The following GOLGA4 variants were observed in gnomAD, a reference collection of about 807,000 sequenced individuals.
The protein encoded by GOLGA4 is golgin subfamily A member 4.
Under a neutral mutation model 265.9 loss-of-function variants are expected in GOLGA4, and 169 were observed. The ratio of observed to expected loss-of-function variants is 0.64; its 90% CI spans 0.56 to 0.72. The LOEUF (loss-of-function observed/expected upper bound fraction) is 0.72. Among genes scored for constraint, GOLGA4 ranks in the 30% least tolerant of loss-of-function variants. The pLI, the probability that GOLGA4 is intolerant of heterozygous loss-of-function variation, is 0.00. For missense variants in GOLGA4, 2,482 were observed against 2,483.4 expected (o/e 1.00, Z 0.01); for synonymous variants, 923 against 855.8 (o/e 1.08, Z -1.37).
At chr3:37,362,449 C>T (rs1318018818) in intron 23 of GOLGA4, among the ~76,000 whole-genome samples, 1 of 151,268 alleles carries the variant, frequency 6.6e-6, no homozygotes, top group Non-Finnish European at 1.5e-5. Flanking sequence ...ACCGTTTTAG[C>T]CAGGATGGTC....
intron 2 of GOLGA4, among the ~76,000 whole-genome samples, chr3:37,273,139 T>C (rs897324918): frequency 2.6e-5 from 4 of 152,234 alleles, no homozygotes; most frequent in African/African-American, 9.6e-5. Context: ...TTGAGTATTA[T>C]TTTATTGTAG....
chr3:37,309,032 C>T (rs1330209378), intron 10 of GOLGA4, among the ~76,000 whole-genome samples: 1 of 151,228 alleles, frequency 6.6e-6, no homozygotes, highest in African/African-American at 2.4e-5. Flanking sequence ...GGGTGGATCA[C>T]TTGAGAGCCA....
intron 2 of GOLGA4, among the ~76,000 whole-genome samples, chr3:37,262,501 T>C (rs928441831): frequency 6.7e-6 from 1 of 149,676 alleles, no homozygotes; most frequent in Non-Finnish European, 1.5e-5. Flanking sequence ...GACTCCCATC[T>C]CAAAAAAAAG....
rs78963907 is a variant in GOLGA4 at position 37,325,107 on chromosome 3, C to T, written c.3221C>T (p.Ala1074Val). 3.8e-5 allele frequency: 61 copies of T among 1,612,268 alleles called. No homozygotes were observed. In the African/African-American group the frequency reaches 7.3e-4, roughly 19 times the overall value. The change falls in exon 14 of 24, where the codon GCA (alanine) becomes GTA (valine). Residue 1074 changes from alanine to valine, a missense_variant. Coordinates refer to ENST00000361924, the MANE Select transcript of GOLGA4 (RefSeq NM_002078.5). Reference protein sequence around the residue: ...IQLQEKEQEVAELKQKILLFG... With the variant: ...IQLQEKEQEVVELKQKILLFG... ...TTACAGGAAAAAGAACAAGAGGTAG[C>T]AGAACTGAAACAAAAGATCCTCCTA...
intron 2 of GOLGA4, among the ~76,000 whole-genome samples, chr3:37,268,124 C>G (rs1378170204): frequency 6.6e-6 from 1 of 152,032 alleles, no homozygotes; most frequent in Non-Finnish European, 1.5e-5. Flanking sequence ...TTCTGTTGTT[C>G]AGGCTGGAAT....
At position 37,319,440 on chromosome 3, in the gene GOLGA4, G is replaced by GCT. The variant is rs372672659; in HGVS notation, c.1545+247_1545+248dup. 6.0e-3 allele frequency: 1,372 copies of GCT among 227,600 alleles called. 24 individuals are homozygous for GCT. The highest frequency in any genetic ancestry group is 0.029 in the African/African-American group (1,283 of 43,760). 14.1% of individuals were successfully genotyped at this position (227,600 alleles called of 1,614,324 possible). ...GAGAGAGTCTCGCTCTGTTGCCTAG[G>GCT]CTAGAGTGCAGTGGTGAGATCTTGG... On this transcript the variant is annotated intron_variant, in intron 12 of 23. Coordinates refer to ENST00000361924, the MANE Select transcript of GOLGA4 (RefSeq NM_002078.5).
intron 2 of GOLGA4, among the ~76,000 whole-genome samples, chr3:37,270,392 A>AT (rs2096795481): frequency 1.3e-5 from 2 of 150,642 alleles, no homozygotes; most frequent in South Asian, 4.2e-4. Flanking sequence ...TAATTTTTAT[A>AT]TTTTTAGTAG....
chr3:37,279,599 T>C (rs1233072323), intron 2 of GOLGA4, among the ~76,000 whole-genome samples: 1 of 152,136 alleles, frequency 6.6e-6, no homozygotes, highest in Non-Finnish European at 1.5e-5. Flanking sequence ...TGAAGATTTG[T>C]TGAAAATGTT....
chr3:37,286,122 A>G (rs557513709), intron 4 of GOLGA4, 61 bp downstream of exon 4: 59 of 573,646 alleles, frequency 1.0e-4, no homozygotes, highest in African/African-American at 8.3e-4. Flanking sequence ...GATCTTATAT[A>G]GTAAGATATT....
chr3:37,309,693 A>T (rs1018939749), intron 10 of GOLGA4, among the ~76,000 whole-genome samples: 8 of 152,342 alleles, frequency 5.3e-5, no homozygotes, highest in African/African-American at 1.7e-4. Flanking sequence ...CTTGTTTTAC[A>T]TTTTTGTTAT....
At position 37,321,762 on chromosome 3, in the gene GOLGA4, G is replaced by T. The variant is rs771569848; in HGVS notation, c.1577G>T (p.Ser526Ile). Reference sequence around the variant, plus strand: ...AGTCAATCAGAATATTTGAAGATCAGCCAAGAAAAAGAACAGCAAGAATCT... The same window carrying T: ...AGTCAATCAGAATATTTGAAGATCATCCAAGAAAAAGAACAGCAAGAATCT... ...EKSQSEYLKI[S>I]QEKEQQESLA... is the part of the protein sequence containing the mutation. Residue 526 changes from serine to isoleucine, a missense_variant, in exon 13 of 24, where the codon AGC (serine) becomes ATC (isoleucine). By Grantham distance (142) the Ser-to-Ile change is moderately radical. Coordinates refer to ENST00000361924, the MANE Select transcript of GOLGA4 (RefSeq NM_002078.5). 1.2e-6 allele frequency: 2 copies of T among 1,611,172 alleles called. No homozygotes were observed. Among genetic ancestry groups the T allele is most frequent in the South Asian group, 2.2e-5 (2 of 90,146 alleles).
chr3:37,285,916 A>G, intron 3 of GOLGA4, 98 bp from the exon 4 acceptor site: 1 of 671,360 alleles, frequency 1.5e-6, no homozygotes, highest in Non-Finnish European at 2.6e-6. Flanking sequence ...GACTCTTCTA[A>G]TTTATTTTTT....
chr3:37,332,014 G>A (rs1214434552), intron 16 of GOLGA4, among the ~76,000 whole-genome samples: 1 of 152,166 alleles, frequency 6.6e-6, no homozygotes, highest in Non-Finnish European at 1.5e-5. Flanking sequence ...CATCTGGCCC[G>A]ATCTGTTGTA....
Position 37,324,445 on chromosome 3 carries a change from T to C in GOLGA4, c.2559T>C (p.Cys853=). The part of the protein sequence containing the change: ...AEVEAQKKDV[C]TELDAHKIQV... ...TTGAAGCACAAAAGAAAGATGTTTG[T>C]ACTGAGTTAGATGCTCACAAAATCC... is the stretch of plus-strand genomic sequence containing the variant. The change falls in exon 14 of 24, where the codon TGT becomes TGC. Residue 853 remains cysteine, a synonymous_variant. Transcript: ENST00000361924. 5.0e-6 allele frequency: 8 copies of C among 1,614,156 alleles called. No individual in the cohort carries two copies. The highest frequency in any genetic ancestry group is 6.8e-6 in the Non-Finnish European group (8 of 1,180,022).
intron 2 of GOLGA4, chr3:37,276,310 A>G: frequency 6.2e-7 from 1 of 1,602,920 alleles, no homozygotes; most frequent in South Asian, 1.1e-5. Flanking sequence ...ATCCAAATTT[A>G]AGGAAAAATG....
intron 5 of GOLGA4, among the ~76,000 whole-genome samples, chr3:37,292,233 G>A (rs1262048468): frequency 6.6e-6 from 1 of 152,142 alleles, no homozygotes; most frequent in Non-Finnish European, 1.5e-5. Flanking sequence ...GAAGGTTGTA[G>A]GTTGTAGGAA....
chr3:37,334,043 CTCAAA>C (rs1283705918), intron 16 of GOLGA4, among the ~76,000 whole-genome samples: 2 of 152,168 alleles, frequency 1.3e-5, no homozygotes, highest in South Asian at 2.1e-4. Flanking sequence ...GCCCTCATTA[CTCAAA>C]TCAGATCAAT....
chr3:37,257,404 G>A (rs2096751864), intron 2 of GOLGA4, among the ~76,000 whole-genome samples: 1 of 152,072 alleles, frequency 6.6e-6, no homozygotes, highest in Non-Finnish European at 1.5e-5. Flanking sequence ...TGTCTTTGCT[G>A]TTTGCTGACT....
intron 16 of GOLGA4, among the ~76,000 whole-genome samples, chr3:37,333,372 A>G (rs1354410236): frequency 6.6e-6 from 1 of 152,230 alleles, no homozygotes; most frequent in East Asian, 1.9e-4. Flanking sequence ...CTTCAAAGCA[A>G]CAATATACTT....
Sources: allele counts gnomAD v4.1 joint callset (sites outside exome capture counted in the v4.1 genomes callset), GRCh38; gene constraint gnomAD v4.1.1; transcripts MANE v1.5; gene names NCBI Gene and HGNC (gene_info 2026-07-23, HGNC 2026-07-21).